The following MEX3B variants were observed in gnomAD, a reference collection of about 807,000 sequenced individuals.
MEX3B encodes mex-3 RNA binding family member B, also known as RNA-binding protein MEX3B.
In MEX3B, 10 loss-of-function variants were observed where a neutral mutation model predicts 12.2. The observed-to-expected ratio is 0.82, with a 90% confidence interval of 0.51 to 1.40. The LOEUF (loss-of-function observed/expected upper bound fraction) is 1.40. MEX3B is among the 40% of genes most tolerant of loss of function. The pLI is 0.00. For missense variants in MEX3B, 839 were observed against 801.4 expected, an observed-to-expected ratio of 1.05 and a Z score of -0.57; for synonymous variants, 498 against 356.3, an observed-to-expected ratio of 1.40 and a Z score of -4.48.
chr15:82,045,947 G>A lies in MEX3B; in HGVS notation c.-242C>T. 4.9e-6 allele frequency: 2 copies of A among 406,622 alleles called. No homozygotes were observed. The highest frequency in any genetic ancestry group is 4.6e-5 in the Admixed American group (1 of 21,826). 25.2% of individuals were successfully genotyped at this position (406,622 alleles called of 1,614,324 possible). A position where few individuals can be genotyped will look rare whatever the true frequency, so the allele number is the denominator to read the frequency against. ...AGACCTGCTGGCGGGTGGGGTGGGGGCAGAGCTCTAGCGGTGGCCGCGCGT... is the reference window on the plus strand; with the variant it reads ...AGACCTGCTGGCGGGTGGGGTGGGGACAGAGCTCTAGCGGTGGCCGCGCGT... On this transcript the variant is annotated 5_prime_UTR_variant, in exon 1 of 2. Transcript: ENST00000329713.
In MEX3B at chr15:82,043,190, C is replaced by T. The variant is rs1466330699; in HGVS notation, c.1680G>A (p.Ala560=). Residue 560 remains alanine, a synonymous_variant, in exon 2 of 2, where the codon GCG becomes GCA. Coordinates refer to ENST00000329713, the MANE Select transcript of MEX3B (RefSeq NM_032246.6). ...SEPECPVCHT[A]VTQAIRIFS ...AAAAGATGCGGATGGCCTGAGTGAC[C>T]GCGGTGTGGCAGACCGGGCACTCGG... 8 of 1,552,608 alleles carry T rather than the reference C, an allele frequency of 5.2e-6. No individual in the cohort carries two copies. The highest frequency in any genetic ancestry group is 7.0e-6 in the Non-Finnish European group (8 of 1,148,686).
Position 82,045,519 on chromosome 15 carries a change from T to G in MEX3B, c.187A>C (p.Ser63Arg), listed in dbSNP as rs1466647922. 1 of 1,612,302 alleles carries G rather than the reference T, an allele frequency of 6.2e-7. No individual in the cohort carries two copies. Among genetic ancestry groups the G allele is most frequent in the African/African-American group, 1.3e-5 (1 of 74,644 alleles). The change falls in exon 1 of 2, where the codon AGC (serine) becomes CGC (arginine). Residue 63 changes from serine to arginine, a missense_variant. Ser to Arg is a moderately radical substitution (Grantham distance 110). Coordinates refer to ENST00000329713, the MANE Select transcript of MEX3B (RefSeq NM_032246.6). ...SLYDSEPRKK[S>R]VNMTECVPVP... is the part of the protein sequence containing the mutation. ...GGCACGCACTCGGTCATGTTCACGC[T>G]CTTCTTGCGCGGCTCGCTGTCGTAC...
Position 82,043,613 on chromosome 15 carries a change from G to A in MEX3B, c.1257C>T (p.Pro419=), listed in dbSNP as rs372780166. The A allele has an allele frequency of 8.1e-6, 13 of 1,597,304 alleles. No homozygotes were observed. Among genetic ancestry groups the A allele is most frequent in the African/African-American group, 5.4e-5 (4 of 74,418 alleles). ...VVFPGGGASA[P]SNANLGLLVH... ...CCAATAGCCCCAGGTTGGCGTTGGA[G>A]GGCGCACTGGCGCCACCCCCGGGGA... The change falls in exon 2 of 2, where the codon CCC becomes CCT. Residue 419 remains proline, a synonymous_variant. Coordinates refer to ENST00000329713, the MANE Select transcript of MEX3B (RefSeq NM_032246.6).
intron 1 of MEX3B, 30 bp downstream of exon 1, chr15:82,045,420 C>CCCCCCCCACCCCA: frequency 6.4e-7 from 1 of 1,571,954 alleles, no homozygotes; most frequent in Non-Finnish European, 8.7e-7. Context: ...ACACCACCCC[C>CCCCCCCCACCCCA]ACCCACCTCC....
In MEX3B at chr15:82,042,111, T is replaced by C. The variant is rs2073223404; in HGVS notation, c.*1049A>G. Reference sequence around the variant, plus strand: ...AACTAGAGTGGTGCAACAGAATTTTTGTAACTTGCACTGAATTCTATTTAT... The same window carrying C: ...AACTAGAGTGGTGCAACAGAATTTTCGTAACTTGCACTGAATTCTATTTAT... On this transcript the variant is annotated 3_prime_UTR_variant, in exon 2 of 2. Coordinates refer to ENST00000329713, the MANE Select transcript of MEX3B (RefSeq NM_032246.6). The C allele has an allele frequency of 6.5e-6, 1 of 152,676 alleles. No individual in the cohort carries two copies. The highest frequency in any genetic ancestry group is 6.5e-5 in the Admixed American group (1 of 15,290). The allele number at this position is 152,676 out of a possible 1,614,324, so 9.5% of individuals were successfully genotyped here.
rs757466579 is a variant in MEX3B, at chr15:82,043,397, C to G, written c.1473G>C (p.Ser491=). The G allele has an allele frequency of 6.3e-6, 10 of 1,578,730 alleles. No homozygotes were observed. The East Asian group carries it at 9.2e-5, about 14-fold the overall frequency. The change falls in exon 2 of 2, where the codon TCG becomes TCC. Residue 491 remains serine (S), a synonymous_variant. Transcript: ENST00000329713. ...AGGAGCTGGACGAAGAGGAGGAGCCCGACGTGTCCGACGGCTGCAAGCCAG... is the reference window on the plus strand; with the variant it reads ...AGGAGCTGGACGAAGAGGAGGAGCCGGACGTGTCCGACGGCTGCAAGCCAG... ...QLPGLQPSDT[S]GSSSSSSSSS...
rs973037088 is a variant in MEX3B at position 82,043,913 on chromosome 15, G to A, written c.957C>T (p.Ser319=). ...CAAAGCTCAGGGCGGGGCTAGGGGG[G>A]CTGTAGTCCGCCAGGCGCTGGGTAG... ...AAATQRLADY[S]PPSPALSFAH... Residue 319 remains serine, a synonymous_variant, in exon 2 of 2, where the codon AGC becomes AGT. Transcript: ENST00000329713. 2.8e-5 allele frequency: 45 copies of A among 1,598,878 alleles called. No individual in the cohort carries two copies. Among genetic ancestry groups the A allele is most frequent in the Non-Finnish European group, 3.7e-5 (44 of 1,175,390 alleles).
At position 82,042,966 on chromosome 15, in the gene MEX3B, T is replaced by C. The variant is rs948952320; in HGVS notation, c.*194A>G. On this transcript the variant is annotated 3_prime_UTR_variant, in exon 2 of 2. Transcript: ENST00000329713. ...CAGATATCCTGGCAAATTCCTTTAC[T>C]TAAAAATTAAATTTTAAAAATGAGC... The C allele has an allele frequency of 2.2e-6, 1 of 450,778 alleles. No homozygotes were observed. The highest frequency in any genetic ancestry group is 3.7e-6 in the Non-Finnish European group (1 of 266,694). The allele number at this position is 450,778 out of a possible 1,614,324, so 27.9% of individuals were successfully genotyped here.
In MEX3B at chr15:82,042,499, AAG is replaced by A. The variant is rs1250077226; in HGVS notation, c.*659_*660del. ...TGAAATATAATTTTTCAAGTCAAAA[AAG>A]AATAAAATACTTCAATCTGTATTAA... On this transcript the variant is annotated 3_prime_UTR_variant, in exon 2 of 2. Coordinates refer to ENST00000329713, the MANE Select transcript of MEX3B (RefSeq NM_032246.6). 2 of 152,644 alleles carry A rather than the reference AAG, an allele frequency of 1.3e-5. No homozygotes were observed. The highest frequency in any genetic ancestry group is 2.4e-5 in the African/African-American group (1 of 41,474). 9.5% of individuals were successfully genotyped at this position (152,644 alleles called of 1,614,324 possible). A position where few individuals can be genotyped will look rare whatever the true frequency, so the allele number is the denominator to read the frequency against.
chr15:82,044,640 G>A lies in MEX3B; in HGVS notation c.257-27C>T, dbSNP rs2073245039. 6.2e-7 allele frequency: 1 copy of A among 1,611,664 alleles called. No homozygotes were observed. On this transcript the variant is annotated intron_variant, in intron 1 of 1. Transcript: ENST00000329713. The surrounding 1 kb of genome is among the most constrained non-coding windows in gnomAD (Gnocchi z 5.3). The stretch of plus-strand genomic sequence containing the variant: ...TACGAACCAGGGTGCGGAGGAGGGA[G>A]TGGGAGAGAGAGACAGACACGCCCA...
Position 82,043,734 on chromosome 15 carries a change from T to G in MEX3B, c.1136A>C (p.Gln379Pro), listed in dbSNP as rs776544961. 7.6e-6 allele frequency: 12 copies of G among 1,573,236 alleles called. No individual in the cohort carries two copies. Among genetic ancestry groups the G allele is most frequent in the Admixed American group, 3.7e-5 (2 of 53,558 alleles). The part of the protein sequence containing the change: ...PPPGAPLIWA[Q>P]FERSPGGGPA... ...TCCGCCTCCCGGGGACCGCTCGAAC[T>G]GGGCCCAGATAAGTGGTGCCCCAGG... Residue 379 changes from glutamine (Q) to proline (P), a missense_variant, in exon 2 of 2, where the codon CAG becomes CCG. By Grantham distance (76) the Gln-to-Pro change is moderately conservative. Transcript: ENST00000329713.
At position 82,043,590 on chromosome 15, in the gene MEX3B, A is replaced by T; in HGVS notation, c.1280T>A (p.Leu427Ter). 2.5e-6 allele frequency: 4 copies of T among 1,581,358 alleles called. No individual in the cohort carries two copies. The highest frequency in any genetic ancestry group is 3.4e-6 in the Non-Finnish European group (4 of 1,165,352). ...GCCAGGGTGCAGCCGGCGGTGCACCAATAGCCCCAGGTTGGCGTTGGAGGG... is the reference window on the plus strand; with the variant it reads ...GCCAGGGTGCAGCCGGCGGTGCACCTATAGCCCCAGGTTGGCGTTGGAGGG... ...SAPSNANLGL[L>*]VHRRLHPGTS... Residue 427 changes from leucine (L) to a stop codon, truncating the protein, a stop_gained, in exon 2 of 2, where the codon TTG becomes TAG. Coordinates refer to ENST00000329713, the MANE Select transcript of MEX3B (RefSeq NM_032246.6). LOFTEE classifies it high-confidence loss of function.
At chr15:82,045,347 AC>A in intron 1 of MEX3B, 102 bp downstream of exon 1, 1 of 1,379,722 alleles carries the variant, frequency 7.2e-7, no homozygotes, top group South Asian at 1.2e-5. Flanking sequence ...TCCCCAAGGC[AC>A]CCCACGCCGC....
In MEX3B at chr15:82,044,349, A is replaced by C; in HGVS notation, c.521T>G (p.Leu174Arg). Residue 174 changes from leucine to arginine, a missense_variant, in exon 2 of 2, where the codon CTC becomes CGC. Physicochemically the swap from Leu to Arg is moderately radical, Grantham distance 102. This residue lies in a region of MEX3B where 52 missense variants were observed against 88.7 expected (regional missense o/e 0.59). Coordinates refer to ENST00000329713, the MANE Select transcript of MEX3B (RefSeq NM_032246.6). This position sits in a 1 kb window ranked among gnomAD's most constrained non-coding sequence, Gnocchi z 5.3. ...TGTGGCGCCTTTGGGCCCCACCACG[A>C]GCCCCACCACGCGGTAGGGTACCCG... Reference protein sequence around the residue: ...QVRVPYRVVGLVVGPKGATIK... With the variant: ...QVRVPYRVVGRVVGPKGATIK... 6.2e-7 allele frequency: 1 copy of C among 1,612,124 alleles called. No individual in the cohort carries two copies. The highest frequency in any genetic ancestry group is 8.5e-7 in the Non-Finnish European group (1 of 1,179,904).
Position 82,044,629 on chromosome 15 carries a change from C to G in MEX3B, c.257-16G>C. On this transcript the variant is annotated splice_polypyrimidine_tract_variant and intron_variant, in intron 1 of 1. Transcript: ENST00000329713. This position sits in a 1 kb window ranked among gnomAD's most constrained non-coding sequence, Gnocchi z 5.3. ...ATTTTACAACCTACGAACCAGGGTGCGGAGGAGGGAGTGGGAGAGAGAGAC... is the reference window on the plus strand; with the variant it reads ...ATTTTACAACCTACGAACCAGGGTGGGGAGGAGGGAGTGGGAGAGAGAGAC... 1 of 1,613,672 alleles carries G rather than the reference C, an allele frequency of 6.2e-7. No individual in the cohort carries two copies. Among genetic ancestry groups the G allele is most frequent in the South Asian group, 1.1e-5 (1 of 91,058 alleles).
chr15:82,044,480 A>C lies in MEX3B; in HGVS notation c.390T>G (p.Ala130=). The change falls in exon 2 of 2, where the codon GCT becomes GCG. Residue 130 remains alanine, a synonymous_variant. Coordinates refer to ENST00000329713, the MANE Select transcript of MEX3B (RefSeq NM_032246.6). The surrounding 1 kb of genome is among the most constrained non-coding windows in gnomAD (Gnocchi z 5.3). ...CGCGGATCATGGAGAAGTGCTCGGCAGCAGAGATGATCTCCCTCCGAGCCA... is the reference window on the plus strand; with the variant it reads ...CGCGGATCATGGAGAAGTGCTCGGCCGCAGAGATGATCTCCCTCCGAGCCA... The part of the protein sequence containing the change: ...VAMARREIIS[A]AEHFSMIRAS... The C allele has an allele frequency of 6.2e-7, 1 of 1,613,966 alleles. No individual in the cohort carries two copies. The highest frequency in any genetic ancestry group is 1.1e-5 in the South Asian group (1 of 91,076).
Position 82,043,302 on chromosome 15 carries a change from T to C in MEX3B, c.1568A>G (p.Glu523Gly), listed in dbSNP as rs1360129802. Residue 523 changes from glutamate (E) to glycine (G), a missense_variant, in exon 2 of 2, where the codon GAG becomes GGG. Glu to Gly is a moderately conservative substitution (Grantham distance 98). Coordinates refer to ENST00000329713, the MANE Select transcript of MEX3B (RefSeq NM_032246.6). ...KGSRDCSVCF[E>G]SEVIAALVPC... is the part of the protein sequence containing the mutation. ...CACCAGCGCGGCAATCACTTCGCTC[T>C]CGAAGCACACGGAGCAGTCGCGGCT... The C allele has an allele frequency of 6.2e-7, 1 of 1,611,712 alleles. No homozygotes were observed. The highest frequency in any genetic ancestry group is 8.5e-7 in the Non-Finnish European group (1 of 1,178,796).
chr15:82,043,227 T>C lies in MEX3B; in HGVS notation c.1643A>G (p.Glu548Gly). ...FCMECANRICEKSEPECPVCH... is the reference protein window; with the variant it reads ...FCMECANRICGKSEPECPVCH... ...GACCGGGCACTCGGGCTCGCTCTTC[T>C]CACAGATGCGATTGGCGCACTCCAT... The change falls in exon 2 of 2, where the codon GAG (glutamate) becomes GGG (glycine). Residue 548 changes from glutamate to glycine, a missense_variant. Physicochemically the swap from Glu to Gly is moderately conservative, Grantham distance 98. Around this residue, in one of 3 missense-constraint regions of MEX3B, gnomAD observed 573 missense variants for 488.9 expected, o/e 1.17. Transcript: ENST00000329713. The C allele has an allele frequency of 6.3e-7, 1 of 1,591,500 alleles. No individual in the cohort carries two copies. The highest frequency in any genetic ancestry group is 1.1e-5 in the South Asian group (1 of 87,664).
Position 82,043,928 on chromosome 15 carries a change from G to T in MEX3B, c.942C>A (p.Arg314=). 6.2e-7 allele frequency: 1 copy of T among 1,602,842 alleles called. No homozygotes were observed. ...GTSSSAAATQ[R]LADYSPPSPA... ...GGCTAGGGGGGCTGTAGTCCGCCAG[G>T]CGCTGGGTAGCCGCTGCGCTGCTGC... is the stretch of plus-strand genomic sequence containing the variant. Residue 314 remains arginine, a synonymous_variant, in exon 2 of 2, where the codon CGC becomes CGA. Coordinates refer to ENST00000329713, the MANE Select transcript of MEX3B (RefSeq NM_032246.6).
Sources: allele counts gnomAD v4.1 joint callset, GRCh38; gene constraint gnomAD v4.1.1; regional missense constraint gnomAD v4.1.1; non-coding constraint Gnocchi (gnomAD v3.1); transcripts MANE v1.5; gene names NCBI Gene and HGNC (gene_info 2026-07-23, HGNC 2026-07-21).